HMGB1: variants seen among roughly 807,000 people sequenced by gnomAD.
HMGB1 encodes the protein high mobility group protein B1.
For synonymous variants in HMGB1, 81 were observed against 84.0 expected, an observed-to-expected ratio of 0.96 and a Z score of 0.19; for missense variants, 79 against 253.5, an observed-to-expected ratio of 0.31 and a Z score of 4.67.
At chr13:30,606,944 A>C (rs1320215235) in intron 1 of HMGB1, among the ~76,000 whole-genome samples, 1 of 152,252 alleles carries the variant, frequency 6.6e-6, no homozygotes, top group African/African-American at 2.4e-5. Context: ...AAGTTTCCTC[A>C]CTTACACTGT....
chr13:30,472,648 A>C (rs1886973333), intron 1 of HMGB1, among the ~76,000 whole-genome samples: 1 of 152,064 alleles, frequency 6.6e-6, no homozygotes, highest in African/African-American at 2.4e-5. Context: ...ACAAAAATGC[A>C]GACTGGGAGC....
intron 1 of HMGB1, chr13:30,464,576 G>C: frequency 1.0e-6 from 1 of 983,142 alleles, no homozygotes; most frequent in Non-Finnish European, 1.2e-6. Context: ...AGGCCCTGCA[G>C]GCCCGCGCCG....
chr13:30,590,389 G>A (rs866615682), intron 1 of HMGB1, among the ~76,000 whole-genome samples: 11 of 152,048 alleles, frequency 7.2e-5, no homozygotes, highest in Admixed American at 3.9e-4. Flanking sequence ...TGGTAGAGAC[G>A]GCGTTTCACC....
At chr13:30,475,138 C>CTCTT (rs1565999398) in intron 1 of HMGB1, among the ~76,000 whole-genome samples, 1 of 26,072 alleles carries the variant, frequency 3.8e-5, no homozygotes, top group Admixed American at 7.7e-4. Flanking sequence ...CTCTCTCTCT[C>CTCTT]TTTTTTTTTT....
upstream of HMGB1, among the ~76,000 whole-genome samples, chr13:30,467,271 A>G (rs1006599165): frequency 6.6e-6 from 1 of 152,166 alleles, no homozygotes; most frequent in African/African-American, 2.4e-5. Flanking sequence ...CCAACAACCA[A>G]TTCCTCCAAA....
At chr13:30,475,173 G>A (rs544254948) in intron 1 of HMGB1, among the ~76,000 whole-genome samples, 23 of 81,972 alleles carry the variant, frequency 2.8e-4, no homozygotes, top group African/African-American at 1.0e-3. Flanking sequence ...ACAGGGTCTC[G>A]CCTAGGCTGG....
intron 1 of HMGB1, among the ~76,000 whole-genome samples, chr13:30,518,529 A>G (rs894758202): frequency 1.7e-4 from 26 of 152,318 alleles, no homozygotes; most frequent in Middle Eastern, 3.4e-3. Flanking sequence ...ACTCTGGGAA[A>G]GTTATTTAAT....
At chr13:30,564,723 A>G (rs937262830) in intron 1 of HMGB1, among the ~76,000 whole-genome samples, 1 of 152,234 alleles carries the variant, frequency 6.6e-6, no homozygotes, top group Non-Finnish European at 1.5e-5. Context: ...TCTCTCCAAC[A>G]TTCATGATTG....
At chr13:30,590,009 G>T (rs892166452) in intron 1 of HMGB1, among the ~76,000 whole-genome samples, 5 of 152,054 alleles carry the variant, frequency 3.3e-5, no homozygotes, top group Non-Finnish European at 7.4e-5. Flanking sequence ...AGAGAGGTGG[G>T]CAGTGAGAGG....
chr13:30,492,454 A>C (rs1031381115), intron 1 of HMGB1, among the ~76,000 whole-genome samples: 1 of 152,236 alleles, frequency 6.6e-6, no homozygotes, highest in Non-Finnish European at 1.5e-5. Flanking sequence ...TAAGAAAGCA[A>C]TGCAATTTTT....
In HMGB1 at chr13:30,476,087, A is replaced by G. The variant is rs149883189; in HGVS notation, c.-14-12393T>C. ...ACCATAGAGTGGGAAACTGAGAAAC[A>G]GAACTGTTGTGATATCGCAGGTGGC... On this transcript the variant is annotated intron_variant, in intron 1 of 4. Coordinates refer to the HMGB1 transcript ENST00000405805. Among the ~76,000 whole-genome samples, 119 of 151,620 alleles carry G rather than the reference A, an allele frequency of 7.8e-4. 1 individual carries two copies. In the East Asian group the frequency reaches 0.019, roughly 24 times the overall value.
chr13:30,577,343 A>T (rs1399791656), intron 1 of HMGB1, among the ~76,000 whole-genome samples: 6 of 43,894 alleles, frequency 1.4e-4, no homozygotes, highest in East Asian at 7.8e-4. Context: ...CAGTCTCTTT[A>T]AAAAAAAAAA....
chr13:30,565,024 C>T (rs967013010), intron 1 of HMGB1, among the ~76,000 whole-genome samples: 7 of 152,160 alleles, frequency 4.6e-5, no homozygotes, highest in South Asian at 2.1e-4. Flanking sequence ...CACTATGGTA[C>T]GTCCTTTACA....
At chr13:30,539,409 G>A (rs940650799) in intron 1 of HMGB1, among the ~76,000 whole-genome samples, 1 of 152,186 alleles carries the variant, frequency 6.6e-6, no homozygotes, top group African/African-American at 2.4e-5. Flanking sequence ...TTATTTGAAG[G>A]CCATTGATCC....
intron 1 of HMGB1, among the ~76,000 whole-genome samples, chr13:30,501,358 A>G (rs1401337114): frequency 6.6e-6 from 1 of 151,990 alleles, no homozygotes; most frequent in Non-Finnish European, 1.5e-5. Flanking sequence ...AGTTTAGTTT[A>G]GTTTAGTTTA....
intron 1 of HMGB1, among the ~76,000 whole-genome samples, chr13:30,581,021 T>C (rs1870877661): frequency 6.6e-6 from 1 of 152,102 alleles, no homozygotes; most frequent in Admixed American, 6.6e-5. Context: ...AACCTTGAAG[T>C]CCTGGGCTCA....
chr13:30,499,658 A>G (rs1226043520), intron 1 of HMGB1, among the ~76,000 whole-genome samples: 2 of 152,202 alleles, frequency 1.3e-5, no homozygotes, highest in African/African-American at 4.8e-5. Context: ...ACCTTCATTA[A>G]TTGTAGATTC....
chr13:30,518,711 C>CTT (rs573738449), intron 1 of HMGB1, among the ~76,000 whole-genome samples: 5 of 145,058 alleles, frequency 3.4e-5, no homozygotes, highest in African/African-American at 1.3e-4. Context: ...TCATAGAAAC[C>CTT]TTTTTTTTTT....
intron 1 of HMGB1, among the ~76,000 whole-genome samples, chr13:30,582,449 T>A (rs1255490101): frequency 6.6e-6 from 1 of 151,876 alleles, no homozygotes; most frequent in Non-Finnish European, 1.5e-5. Flanking sequence ...CCATCCTGGC[T>A]GACACGGTGA....
Sources: allele counts gnomAD v4.1 joint callset (sites outside exome capture counted in the v4.1 genomes callset), GRCh38; gene constraint gnomAD v4.1.1; transcripts MANE v1.5; gene names NCBI Gene and HGNC (gene_info 2026-07-23, HGNC 2026-07-21).